The following GFM2 variants were observed in gnomAD, a reference collection of about 807,000 sequenced individuals.
GFM2 encodes the protein GTP dependent ribosome recycling factor mitochondrial 2.
In GFM2, 72 loss-of-function variants were observed where a neutral mutation model predicts 95.4. That is an observed-to-expected ratio of 0.76 (90% CI 0.62 to 0.92). The LOEUF (loss-of-function observed/expected upper bound fraction) is 0.92. Ranked by LOEUF, GFM2 falls within the 40% of genes least tolerant of loss-of-function variation. The pLI, the probability that GFM2 is intolerant of heterozygous loss-of-function variation, is 0.00. For synonymous variants in GFM2, 276 were observed against 317.5 expected, an observed-to-expected ratio of 0.87 and a Z score of 1.39; for missense variants, 825 against 924.1, an observed-to-expected ratio of 0.89 and a Z score of 1.39.
chr5:74,757,458 A>T (rs1276848622), intron 5 of GFM2, among the ~76,000 whole-genome samples: 1 of 152,172 alleles, frequency 6.6e-6, no homozygotes, highest in Admixed American at 6.5e-5. Flanking sequence ...ATTAGTTTGA[A>T]ATAAATAAAT....
intron 5 of GFM2, among the ~76,000 whole-genome samples, chr5:74,753,845 CA>C (rs2112334242): frequency 6.6e-6 from 1 of 152,166 alleles, no homozygotes; most frequent in East Asian, 1.9e-4. Flanking sequence ...TCTAGACATC[CA>C]AATACCAGAA....
chr5:74,724,677 CTTAGG>C (rs777904469), intron 19 of GFM2, among the ~76,000 whole-genome samples: 1 of 152,038 alleles, frequency 6.6e-6, no homozygotes, highest in Non-Finnish European at 1.5e-5. Context: ...GTTTGGCTTT[CTTAGG>C]TTAGGGGTTT....
rs1169861154 is a variant in GFM2, at chr5:74,751,485, C to A, written c.313G>T (p.Asp105Tyr). 1 of 1,608,708 alleles carries A rather than the reference C, an allele frequency of 6.2e-7. No individual in the cohort carries two copies. ...GYTRSLGDVD[D>Y]GDTVTDFMAQ... ...ATGAAATCTGTCACTGTGTCTCCAT[C>A]ATCAACATCTAGCCAGGAAAAAGAT... The change falls in exon 6 of 21, where the codon GAT becomes TAT. Residue 105 changes from aspartate to tyrosine, a missense_variant. Asp to Tyr is a radical substitution (Grantham distance 160, BLOSUM62 -3). Transcript: ENST00000296805.
At chr5:74,748,938 A>AAAAAT (rs201633956) in intron 7 of GFM2, among the ~76,000 whole-genome samples, 89 of 147,566 alleles carry the variant, frequency 6.0e-4, no homozygotes, top group South Asian at 4.8e-3. Context: ...AAAAAAAATA[A>AAAAAT]AAAATAAAAT....
chr5:74,721,278 TATTG>T lies in GFM2; in HGVS notation c.*373_*376del, dbSNP rs771215231. ...GACTGTTTTTTGAATAAAATATTTT[TATTG>T]ATTGAACCTTTGACCCTCTATCTTA... On this transcript the variant is annotated 3_prime_UTR_variant, in exon 21 of 21. Transcript: ENST00000296805. 1 of 978,306 alleles carries T rather than the reference TATTG, an allele frequency of 1.0e-6. No individual in the cohort carries two copies. The highest frequency in any genetic ancestry group is 1.6e-6 in the Non-Finnish European group (1 of 616,732). The allele number at this position is 978,306 out of a possible 1,614,324, so 60.6% of individuals were successfully genotyped here. A position where few individuals can be genotyped will look rare whatever the true frequency, so the allele number is the denominator to read the frequency against.
chr5:74,759,341 A>G (rs1464830329), intron 4 of GFM2, 28 bp downstream of exon 4: 2 of 1,329,724 alleles, frequency 1.5e-6, no homozygotes. Flanking sequence ...CAGTCTATGG[A>G]AAAGCATGAT....
chr5:74,744,353 G>A (rs1743272305), intron 10 of GFM2, among the ~76,000 whole-genome samples: 1 of 145,520 alleles, frequency 6.9e-6, no homozygotes, highest in South Asian at 2.1e-4. Context: ...TGAAGTACAT[G>A]ACTATACTTA....
intron 8 of GFM2, among the ~76,000 whole-genome samples, chr5:74,746,831 G>A (rs1383737187): frequency 1.3e-5 from 2 of 151,944 alleles, no homozygotes; most frequent in Non-Finnish European, 2.9e-5. Context: ...AGCAGAAAAG[G>A]GTCAGAACTT....
intron 15 of GFM2, among the ~76,000 whole-genome samples, chr5:74,734,591 ATATTT>A (rs1292145133): frequency 6.6e-6 from 1 of 152,198 alleles, no homozygotes; most frequent in African/African-American, 2.4e-5. Flanking sequence ...ATTGTAGATA[ATATTT>A]TATTTTAAGC....
chr5:74,722,102 G>T (rs963410322), intron 20 of GFM2, among the ~76,000 whole-genome samples: 2 of 152,182 alleles, frequency 1.3e-5, no homozygotes. Context: ...GACAATGGTG[G>T]AAGTAAGATA....
chr5:74,746,226 C>T (rs1449105015), intron 8 of GFM2, 61 bp from the exon 9 acceptor site: 1 of 918,748 alleles, frequency 1.1e-6, no homozygotes, highest in East Asian at 2.9e-5. Context: ...CCAAAGGTAT[C>T]AAGAGAGGAA....
chr5:74,763,608 T>A (rs1744393890), intron 2 of GFM2, 72 bp downstream of exon 2: 2 of 811,594 alleles, frequency 2.5e-6, no homozygotes, highest in Non-Finnish European at 4.2e-6. Flanking sequence ...GCTGATGAGA[T>A]ATACTGGGCA....
intron 20 of GFM2, 146 bp downstream of exon 20, chr5:74,722,233 A>T: frequency 1.4e-6 from 1 of 690,556 alleles, no homozygotes; most frequent in Non-Finnish European, 2.4e-6. Flanking sequence ...AGTCCTAACC[A>T]TTCCTGCTGG....
Position 74,740,154 on chromosome 5 carries a change from C to G in GFM2, c.931-17G>C, listed in dbSNP as rs1220426426. 3.8e-6 allele frequency: 6 copies of G among 1,585,854 alleles called. No individual in the cohort carries two copies. The Admixed American group carries it at 1.1e-4, about 30-fold the overall frequency. ...AGTCTGTAGCTACAGAGCAGAGATA[C>G]AAATGAGCATTTATTTTGTGTACTG... On this transcript the variant is annotated splice_polypyrimidine_tract_variant and intron_variant, in intron 11 of 20. Coordinates refer to ENST00000296805, the MANE Select transcript of GFM2 (RefSeq NM_032380.5).
intron 5 of GFM2, among the ~76,000 whole-genome samples, chr5:74,754,899 TGA>T (rs1471384154): frequency 4.6e-5 from 7 of 152,042 alleles, no homozygotes; most frequent in Non-Finnish European, 1.0e-4. Context: ...GCGGATTACC[TGA>T]GGTCAGGAGT....
At chr5:74,755,797 T>C (rs574728770) in intron 5 of GFM2, among the ~76,000 whole-genome samples, 1 of 152,266 alleles carries the variant, frequency 6.6e-6, no homozygotes, top group African/African-American at 2.4e-5. Flanking sequence ...ATTCAAAGAA[T>C]TGGCACCAAT....
rs761283105 is a variant in GFM2, at chr5:74,747,731, C to T, written c.569G>A (p.Arg190Gln). The change falls in exon 8 of 21, where the codon CGA becomes CAA. Residue 190 changes from arginine to glutamine, a missense_variant. By Grantham distance (43) the Arg-to-Gln change is conservative. Coordinates refer to ENST00000296805, the MANE Select transcript of GFM2 (RefSeq NM_032380.5). ...GTCCATCTTGTTTAAAAAACAGATT[C>T]GAGGTATATTGTGTTTATCAGCTTG... ...WRQADKHNIP[R>Q]ICFLNKMDKT... 6.6e-5 allele frequency: 106 copies of T among 1,612,250 alleles called. No individual in the cohort carries two copies. The highest frequency in any genetic ancestry group is 8.7e-5 in the Non-Finnish European group (102 of 1,178,830).
At chr5:74,748,380 C>G (rs1343184759) in intron 7 of GFM2, among the ~76,000 whole-genome samples, 2 of 152,138 alleles carry the variant, frequency 1.3e-5, no homozygotes, top group Non-Finnish European at 2.9e-5. Context: ...ATAGAACATT[C>G]TGTTACTCCT....
chr5:74,750,109 A>G (rs980288716), intron 7 of GFM2, among the ~76,000 whole-genome samples: 3 of 152,246 alleles, frequency 2.0e-5, no homozygotes, highest in Admixed American at 2.0e-4. Flanking sequence ...CTCCTTCATG[A>G]ATTCAGCAAC....
Sources: gnomAD v4.1 joint callset for allele counts (sites outside exome capture counted in the v4.1 genomes callset) on GRCh38, gnomAD v4.1.1 for gene constraint, MANE v1.5 for transcripts, NCBI Gene and HGNC (gene_info 2026-07-23, HGNC 2026-07-21) for gene names.